Variants in TMEM132C observed in about 807,000 individuals in gnomAD.
TMEM132C encodes protein phosphatase 1, regulatory subunit 152.
In TMEM132C, 29 loss-of-function variants were observed where a neutral mutation model predicts 61.4. That is an observed-to-expected ratio of 0.47 (90% CI 0.35 to 0.64). The LOEUF (loss-of-function observed/expected upper bound fraction) is 0.64. Among genes scored for constraint, TMEM132C ranks in the 30% least tolerant of loss-of-function variants. TMEM132C has a pLI of 0.00. For missense variants in TMEM132C, 1,408 were observed against 1,476.9 expected, an observed-to-expected ratio of 0.95 and a Z score of 0.76; for synonymous variants, 656 against 633.1, an observed-to-expected ratio of 1.04 and a Z score of -0.54.
intron 5 of TMEM132C, among the ~76,000 whole-genome samples, chr12:128,682,572 G>C (rs1370604815): frequency 6.6e-6 from 1 of 152,204 alleles, no homozygotes; most frequent in Non-Finnish European, 1.5e-5. Flanking sequence ...TGCTGGCGTG[G>C]CCGTTAACAC....
intron 2 of TMEM132C, among the ~76,000 whole-genome samples, chr12:128,442,756 AAGTGACCGCTTC>A: frequency 6.6e-6 from 1 of 152,314 alleles, no homozygotes; most frequent in South Asian, 2.1e-4. Context: ...CACCATTTTA[AAGTGACCGCTTC>A]AGTGGCACTT....
At chr12:128,518,655 T>G (rs1434403990) in intron 2 of TMEM132C, among the ~76,000 whole-genome samples, 2 of 152,262 alleles carry the variant, frequency 1.3e-5, no homozygotes, top group Non-Finnish European at 2.9e-5. Context: ...AATACTTCTT[T>G]TGATCTTCAG....
At chr12:128,323,560 G>A (rs1872404733) in intron 1 of TMEM132C, among the ~76,000 whole-genome samples, 1 of 152,194 alleles carries the variant, frequency 6.6e-6, no homozygotes, top group Non-Finnish European at 1.5e-5. Flanking sequence ...TGATAACATT[G>A]GCTCCTTTCA....
intron 2 of TMEM132C, among the ~76,000 whole-genome samples, chr12:128,488,415 C>G: frequency 6.6e-6 from 1 of 152,182 alleles, no homozygotes; most frequent in East Asian, 1.9e-4. Flanking sequence ...AATCCCAGCA[C>G]TTTGGGAGGC....
chr12:128,402,973 GA>G (rs1565925700), intron 1 of TMEM132C, among the ~76,000 whole-genome samples: 1 of 152,154 alleles, frequency 6.6e-6, no homozygotes, highest in Non-Finnish European at 1.5e-5. Context: ...GAAAAGGGGG[GA>G]ACTATCCCCC....
intron 2 of TMEM132C, among the ~76,000 whole-genome samples, chr12:128,466,353 G>C (rs925843394): frequency 6.6e-6 from 1 of 152,210 alleles, no homozygotes; most frequent in African/African-American, 2.4e-5. Flanking sequence ...AGCATGCTTT[G>C]TTTGGCTTAT....
chr12:128,508,224 A>G (rs1269373637), intron 2 of TMEM132C, among the ~76,000 whole-genome samples: 1 of 152,068 alleles, frequency 6.6e-6, no homozygotes, highest in Non-Finnish European at 1.5e-5. Flanking sequence ...CCCTTATAAA[A>G]CCATCAGATT....
At chr12:128,697,703 C>G (rs1566018380) in intron 8 of TMEM132C, among the ~76,000 whole-genome samples, 3 of 152,206 alleles carry the variant, frequency 2.0e-5, no homozygotes, top group Admixed American at 1.3e-4. Flanking sequence ...TCACATCATG[C>G]CTTTTACTGG....
At chr12:128,386,539 C>T (rs1874587652) in intron 1 of TMEM132C, among the ~76,000 whole-genome samples, 2 of 152,146 alleles carry the variant, frequency 1.3e-5, no homozygotes. Flanking sequence ...GGCAAGAAGG[C>T]TGGATAAGGA....
At chr12:128,502,582 A>G (rs1872220219) in intron 2 of TMEM132C, among the ~76,000 whole-genome samples, 1 of 152,196 alleles carries the variant, frequency 6.6e-6, no homozygotes, top group Non-Finnish European at 1.5e-5. Context: ...CCCCTGGGCC[A>G]TCTACACCAG....
At chr12:128,609,547 C>T (rs977459340) in intron 3 of TMEM132C, among the ~76,000 whole-genome samples, 12 of 151,990 alleles carry the variant, frequency 7.9e-5, no homozygotes, top group East Asian at 1.9e-4. Flanking sequence ...CATGAGCCAC[C>T]GTGCACAGCC....
chr12:128,666,904 A>G (rs9738882), intron 4 of TMEM132C, among the ~76,000 whole-genome samples: 8,640 of 152,194 alleles, frequency 0.057, 716 homozygotes, highest in African/African-American at 0.18. Flanking sequence ...CCCCATCTCT[A>G]CTAAAAATAC....
rs1164562926 is a variant in TMEM132C, at chr12:128,508,516, T to C, written c.975-35441T>C. Among the ~76,000 whole-genome samples the C allele has an allele frequency of 3.9e-5, 6 of 152,150 alleles. No homozygotes were observed. In the East Asian group the frequency reaches 9.7e-4, roughly 25 times the overall value. The stretch of plus-strand genomic sequence containing the variant: ...GGGACATGGGTCCTGCTGCCTGGGC[T>C]CAGTGGGGTTTGCCTCCTGTCCCCA... On this transcript the variant is annotated intron_variant, in intron 2 of 8. Coordinates refer to ENST00000435159, the MANE Select transcript of TMEM132C (RefSeq NM_001136103.3).
chr12:128,626,091 G>A (rs1954012607), intron 4 of TMEM132C, among the ~76,000 whole-genome samples: 1 of 150,184 alleles, frequency 6.7e-6, no homozygotes, highest in Admixed American at 6.6e-5. Context: ...AGTACCTGAA[G>A]TTATTTTGAA....
At chr12:128,518,177 C>G (rs1237329899) in intron 2 of TMEM132C, among the ~76,000 whole-genome samples, 1 of 152,208 alleles carries the variant, frequency 6.6e-6, no homozygotes, top group Non-Finnish European at 1.5e-5. Context: ...GTGGATAAAG[C>G]TTGCATTTTC....
At chr12:128,408,699 G>A (rs866581162) in intron 1 of TMEM132C, among the ~76,000 whole-genome samples, 2 of 152,318 alleles carry the variant, frequency 1.3e-5, no homozygotes, top group East Asian at 3.9e-4. Flanking sequence ...GGTTAAAATG[G>A]AAGCGCCGAG....
intron 1 of TMEM132C, among the ~76,000 whole-genome samples, chr12:128,344,161 ATT>A (rs1287196181): frequency 1.3e-5 from 2 of 151,584 alleles, no homozygotes; most frequent in African/African-American, 4.8e-5. Context: ...ATTTCTTTTT[ATT>A]TTTTTATTTT....
At chr12:128,539,533 A>G (rs998549242) in intron 2 of TMEM132C, among the ~76,000 whole-genome samples, 3 of 152,130 alleles carry the variant, frequency 2.0e-5, no homozygotes, top group Non-Finnish European at 4.4e-5. Context: ...CAGGGGAATC[A>G]CTTAAACCCG....
In TMEM132C at chr12:128,326,984, G is replaced by A. The variant is rs912528759; in HGVS notation, c.85+59497G>A. On this transcript the variant is annotated intron_variant, in intron 1 of 8. Coordinates refer to ENST00000435159, the MANE Select transcript of TMEM132C (RefSeq NM_001136103.3). The surrounding 1 kb of genome is among the most constrained non-coding windows in gnomAD (Gnocchi z 5.6). ...TTAAGTAAAATTTACTTTTAGTGGT[G>A]TAATTTTTCCTTTTAGGTTTTCTTT... is the stretch of plus-strand genomic sequence containing the variant. 6.7e-6 allele frequency among the ~76,000 whole-genome samples: 1 copy of A among 149,950 alleles called. No homozygotes were observed. The highest frequency in any genetic ancestry group is 1.9e-4 in the East Asian group (1 of 5,188).
Sources: gnomAD v4.1 joint callset for allele counts (sites outside exome capture counted in the v4.1 genomes callset) on GRCh38, gnomAD v4.1.1 for gene constraint, Gnocchi (gnomAD v3.1) non-coding constraint, MANE v1.5 for transcripts, NCBI Gene and HGNC (gene_info 2026-07-23, HGNC 2026-07-21) for gene names.